The following NEGR1 variants were observed in gnomAD, a reference collection of about 807,000 sequenced individuals.
NEGR1 encodes the protein IgLON family member 4.
In NEGR1, 10 loss-of-function variants were observed where a neutral mutation model predicts 40.9. The observed-to-expected ratio is 0.24, with a 90% CI of 0.15 to 0.42. The LOEUF (loss-of-function observed/expected upper bound fraction) is 0.42. Ranked by LOEUF, NEGR1 falls within the 10% of genes least tolerant of loss-of-function variation. NEGR1 has a pLI of 1.00. For synonymous variants in NEGR1, 185 were observed against 166.8 expected, an observed-to-expected ratio of 1.11 and a Z score of -0.84; for missense variants, 352 against 438.9, an observed-to-expected ratio of 0.80 and a Z score of 1.77.
chr1:72,078,766 A>G (rs1647860959), intron 1 of NEGR1, among the ~76,000 whole-genome samples: 1 of 150,816 alleles, frequency 6.6e-6, no homozygotes, highest in South Asian at 2.1e-4. Context: ...CAGCCTCCCA[A>G]ATAGCTGGGA....
chr1:71,999,379 A>T (rs912168270), intron 1 of NEGR1, among the ~76,000 whole-genome samples: 1 of 151,628 alleles, frequency 6.6e-6, no homozygotes, highest in African/African-American at 2.4e-5. Context: ...TAATTGAAAC[A>T]TTACCTTTCC....
At position 72,160,540 on chromosome 1, in the gene NEGR1, C is replaced by T. The variant is rs561932737; in HGVS notation, c.176+121779G>A. The stretch of plus-strand genomic sequence containing the variant: ...AATTACAGAAAGACCAAAGGAGCAG[C>T]AGAAATAAGTCAAATAGTTCAAGTA... On this transcript the variant is annotated intron_variant, in intron 1 of 6. Coordinates refer to ENST00000357731, the MANE Select transcript of NEGR1 (RefSeq NM_173808.3). 2.6e-5 allele frequency among the ~76,000 whole-genome samples: 4 copies of T among 152,128 alleles called. No homozygotes were observed. The East Asian group carries it at 7.7e-4, about 29-fold the overall frequency.
At chr1:71,915,903 A>G (rs1361860928) in intron 2 of NEGR1, among the ~76,000 whole-genome samples, 1 of 152,228 alleles carries the variant, frequency 6.6e-6, no homozygotes, top group East Asian at 1.9e-4. Context: ...GTAACAGACT[A>G]TGATAGGACC....
chr1:71,619,020 T>C (rs1650533005), intron 4 of NEGR1, among the ~76,000 whole-genome samples: 1 of 152,138 alleles, frequency 6.6e-6, no homozygotes, highest in South Asian at 2.1e-4. Flanking sequence ...TAAGGGCTCA[T>C]GAGCTATAAT....
At chr1:72,241,717 T>A (rs901059935) in intron 1 of NEGR1, among the ~76,000 whole-genome samples, 1 of 151,786 alleles carries the variant, frequency 6.6e-6, no homozygotes, top group African/African-American at 2.4e-5. Context: ...CAGGTATATA[T>A]TCCTTCAACT....
At chr1:71,775,926 G>C (rs1210690975) in intron 3 of NEGR1, among the ~76,000 whole-genome samples, 1 of 151,702 alleles carries the variant, frequency 6.6e-6, no homozygotes, top group Non-Finnish European at 1.5e-5. Flanking sequence ...CTGGGAGGCG[G>C]AGGTTGCAGT....
rs779210726 is a variant in NEGR1 at position 72,282,491 on chromosome 1, C to T, written c.4G>A (p.Asp2Asn). 2 of 1,611,818 alleles carry T rather than the reference C, an allele frequency of 1.2e-6. No individual in the cohort carries two copies. The highest frequency in any genetic ancestry group is 4.5e-5 in the East Asian group (2 of 44,782). The change falls in exon 1 of 7, where the codon GAC (aspartate) becomes AAC (asparagine). Residue 2 changes from aspartate to asparagine, a missense_variant. Asp to Asn is a conservative substitution (Grantham distance 23). Coordinates refer to ENST00000357731, the MANE Select transcript of NEGR1 (RefSeq NM_173808.3). M[D>N]MMLLVQGACC... Reference sequence around the variant, plus strand: ...GCACCCTGCACCAACAGCATCATGTCCATCCCTGCTAGGGCTGCTCACTCT... The same window carrying T: ...GCACCCTGCACCAACAGCATCATGTTCATCCCTGCTAGGGCTGCTCACTCT...
chr1:72,129,404 C>A (rs1361828028), intron 1 of NEGR1, among the ~76,000 whole-genome samples: 4 of 152,076 alleles, frequency 2.6e-5, no homozygotes, highest in Non-Finnish European at 4.4e-5. Flanking sequence ...GAAACTACAT[C>A]TAGTTAATAC....
chr1:71,991,673 GT>G (rs141259710), intron 1 of NEGR1, among the ~76,000 whole-genome samples: 17,822 of 152,108 alleles, frequency 0.12, 1,071 homozygotes, highest in South Asian at 0.18. Context: ...AATCCACTAG[GT>G]TGCAAATTAA....
intron 2 of NEGR1, among the ~76,000 whole-genome samples, chr1:71,813,850 T>G (rs1403325958): frequency 6.6e-6 from 1 of 152,108 alleles, no homozygotes; most frequent in African/African-American, 2.4e-5. Context: ...TATGGGGTTT[T>G]TAGATGTAGC....
intron 1 of NEGR1, among the ~76,000 whole-genome samples, chr1:72,081,574 T>C (rs553204963): frequency 1.3e-5 from 2 of 152,016 alleles, no homozygotes; most frequent in African/African-American, 2.4e-5. Context: ...GCATCATGAG[T>C]GTAAGTAATG....
At chr1:71,956,707 T>C (rs1646122366) in intron 1 of NEGR1, among the ~76,000 whole-genome samples, 1 of 152,124 alleles carries the variant, frequency 6.6e-6, no homozygotes, top group Non-Finnish European at 1.5e-5. Flanking sequence ...TGAATTTTAA[T>C]GGACATGTAA....
intron 1 of NEGR1, among the ~76,000 whole-genome samples, chr1:72,062,942 C>T (rs1647201154): frequency 1.3e-5 from 2 of 151,834 alleles, no homozygotes; most frequent in Admixed American, 6.6e-5. Context: ...CATGTTAGTA[C>T]ATAAATTGAG....
intron 3 of NEGR1, among the ~76,000 whole-genome samples, chr1:71,743,862 A>G (rs1338974732): frequency 6.6e-6 from 1 of 152,188 alleles, no homozygotes; most frequent in African/African-American, 2.4e-5. Context: ...TTGAAGTAGT[A>G]GACTGCACTC....
chr1:71,527,234 T>C (rs1175451048), intron 6 of NEGR1, among the ~76,000 whole-genome samples: 1 of 151,582 alleles, frequency 6.6e-6, no homozygotes, highest in Non-Finnish European at 1.5e-5. Flanking sequence ...GTTCAGTGTC[T>C]CACACATTCA....
intron 3 of NEGR1, among the ~76,000 whole-genome samples, chr1:71,699,158 T>C (rs918407062): frequency 6.6e-6 from 1 of 151,992 alleles, no homozygotes; most frequent in Admixed American, 6.6e-5. Flanking sequence ...CCTTTCTATC[T>C]TGTCAAAACC....
intron 2 of NEGR1, among the ~76,000 whole-genome samples, chr1:71,899,832 A>T (rs375246142): frequency 7.0e-4 from 107 of 152,136 alleles, no homozygotes; most frequent in African/African-American, 2.4e-3. Flanking sequence ...AACATGAACC[A>T]TTGTTTTCTT....
intron 6 of NEGR1, among the ~76,000 whole-genome samples, chr1:71,505,644 C>T (rs538457189): frequency 2.2e-3 from 337 of 152,268 alleles, no homozygotes; most frequent in Non-Finnish European, 4.1e-3. Flanking sequence ...TGGATCTAAA[C>T]GATGCATTTT....
chr1:72,022,260 C>CATATATATATATATAT (rs59160727), intron 1 of NEGR1, among the ~76,000 whole-genome samples: 22 of 111,664 alleles, frequency 2.0e-4, no homozygotes, highest in African/African-American at 2.8e-4. Flanking sequence ...AAACAATTTT[C>CATATATATATATATAT]ATATATATAT....
Sources: allele counts gnomAD v4.1 joint callset (sites outside exome capture counted in the v4.1 genomes callset), GRCh38; gene constraint gnomAD v4.1.1; transcripts MANE v1.5; gene names NCBI Gene and HGNC (gene_info 2026-07-23, HGNC 2026-07-21).